NDUFAF2: variants seen among roughly 807,000 people sequenced by gnomAD.
NDUFAF2 encodes NADH:ubiquinone oxidoreductase complex assembly factor 2.
NDUFAF2 carries 13 observed loss-of-function variants against 22.8 expected under a neutral mutation model. That is an observed-to-expected ratio of 0.57 (90% CI 0.37 to 0.91). The LOEUF (loss-of-function observed/expected upper bound fraction) is 0.91, where lower values mean the gene tolerates loss of function less well. Among genes scored for constraint, NDUFAF2 ranks in the 40% least tolerant of loss-of-function variants. NDUFAF2 has a pLI of 0.01. For synonymous variants in NDUFAF2, 53 were observed against 64.2 expected, an observed-to-expected ratio of 0.83 and a Z score of 0.84; for missense variants, 162 against 195.2, an observed-to-expected ratio of 0.83 and a Z score of 1.01.
At chr5:60,992,318 T>C (rs1213631129) in intron 1 of NDUFAF2, among the ~76,000 whole-genome samples, 1 of 152,228 alleles carries the variant, frequency 6.6e-6, no homozygotes, top group East Asian at 1.9e-4. Context: ...ATCCCATTTG[T>C]CCATTTTTGC....
intron 3 of NDUFAF2, among the ~76,000 whole-genome samples, chr5:61,113,690 A>G (rs1180116500): frequency 6.6e-6 from 1 of 152,186 alleles, no homozygotes; most frequent in Non-Finnish European, 1.5e-5. Context: ...GCATGATTGT[A>G]AGTTTTCTGA....
chr5:60,981,774 CA>C (rs1750981128), intron 1 of NDUFAF2, among the ~76,000 whole-genome samples: 1 of 152,062 alleles, frequency 6.6e-6, no homozygotes, highest in Non-Finnish European at 1.5e-5. Context: ...CCAATGAACA[CA>C]ATAGAGAATC....
intron 1 of NDUFAF2, among the ~76,000 whole-genome samples, chr5:60,946,726 G>A (rs964124658): frequency 2.6e-5 from 4 of 152,114 alleles, no homozygotes; most frequent in Admixed American, 1.3e-4. Context: ...TGACAAATGA[G>A]TAGAGTAACC....
At chr5:61,079,524 C>T (rs1028809712) in intron 2 of NDUFAF2, among the ~76,000 whole-genome samples, 4 of 152,152 alleles carry the variant, frequency 2.6e-5, no homozygotes, top group Non-Finnish European at 2.9e-5. Context: ...AGAAGTATCT[C>T]GAATAAACTC....
At chr5:61,018,007 C>A (rs158702) in intron 1 of NDUFAF2, among the ~76,000 whole-genome samples, 2 of 152,048 alleles carry the variant, frequency 1.3e-5, no homozygotes, top group Non-Finnish European at 2.9e-5. Context: ...CCACCTCGGC[C>A]TCCCAGAGTG....
At chr5:60,982,462 A>T (rs1750997727) in intron 1 of NDUFAF2, among the ~76,000 whole-genome samples, 1 of 151,924 alleles carries the variant, frequency 6.6e-6, no homozygotes, top group Admixed American at 6.6e-5. Flanking sequence ...GGTTTGTTAC[A>T]TATGTATATA....
chr5:60,970,267 A>C (rs963271233), intron 1 of NDUFAF2, among the ~76,000 whole-genome samples: 2 of 152,116 alleles, frequency 1.3e-5, no homozygotes, highest in African/African-American at 4.8e-5. Flanking sequence ...GAAGAATGTC[A>C]TTGGTATTTT....
In NDUFAF2 at chr5:60,999,871, C is replaced by A. The variant is rs550213123; in HGVS notation, c.127+54489C>A. Among the ~76,000 whole-genome samples the A allele has an allele frequency of 1.9e-4, 29 of 152,104 alleles. No homozygotes were observed. The South Asian group carries it at 6.0e-3, about 32-fold the overall frequency. ...AGAGAAAGTTCTCCAAAAATTAGAT[C>A]TCTTACTATTTTGCTTTGTTGCATG... On this transcript the variant is annotated intron_variant, in intron 1 of 3. Transcript: ENST00000296597.
chr5:61,053,172 T>C (rs1752046581), intron 1 of NDUFAF2, among the ~76,000 whole-genome samples: 1 of 152,230 alleles, frequency 6.6e-6, no homozygotes, highest in South Asian at 2.1e-4. Context: ...GCCTGGATCT[T>C]TGAATGACTG....
intron 2 of NDUFAF2, among the ~76,000 whole-genome samples, chr5:61,095,860 A>G (rs968930105): frequency 6.6e-6 from 1 of 152,010 alleles, no homozygotes; most frequent in African/African-American, 2.4e-5. Context: ...TTCATTCTCC[A>G]GGGGTCGAGT....
At chr5:61,097,842 A>G (rs893023150) in intron 2 of NDUFAF2, among the ~76,000 whole-genome samples, 9 of 152,226 alleles carry the variant, frequency 5.9e-5, no homozygotes, top group African/African-American at 1.7e-4. Flanking sequence ...AGAGCCAGAG[A>G]CAGGGTCAGA....
At chr5:61,036,998 T>C (rs1751808184) in intron 1 of NDUFAF2, among the ~76,000 whole-genome samples, 1 of 152,162 alleles carries the variant, frequency 6.6e-6, no homozygotes, top group South Asian at 2.1e-4. Context: ...AAATTTTTTT[T>C]CATCTATTTG....
At chr5:61,025,004 A>G (rs1751631824) in intron 1 of NDUFAF2, among the ~76,000 whole-genome samples, 1 of 152,004 alleles carries the variant, frequency 6.6e-6, no homozygotes, top group African/African-American at 2.4e-5. Context: ...ATACGTCCTT[A>G]GAAACTACAG....
At chr5:61,040,617 G>A (rs1339606336) in intron 1 of NDUFAF2, among the ~76,000 whole-genome samples, 2 of 151,846 alleles carry the variant, frequency 1.3e-5, no homozygotes, top group Non-Finnish European at 2.9e-5. Context: ...GTACTTGAGA[G>A]GAGAACTGTG....
chr5:61,069,126 C>CTT (rs71606660), intron 1 of NDUFAF2, among the ~76,000 whole-genome samples: 145 of 136,882 alleles, frequency 1.1e-3, no homozygotes, highest in African/African-American at 2.8e-3. Context: ...AATGTTAGTG[C>CTT]TTTTTTTTTT....
At chr5:61,125,766 TA>T (rs1299137524) in intron 3 of NDUFAF2, among the ~76,000 whole-genome samples, 1 of 152,074 alleles carries the variant, frequency 6.6e-6, no homozygotes, top group Non-Finnish European at 1.5e-5. Context: ...GTTATATATT[TA>T]AAATTTAGAA....
At chr5:60,985,807 A>G (rs1039359867) in intron 1 of NDUFAF2, among the ~76,000 whole-genome samples, 2 of 152,310 alleles carry the variant, frequency 1.3e-5, no homozygotes, top group African/African-American at 4.8e-5. Context: ...ACCCGCCCCT[A>G]TAATTCAATC....
Position 61,073,118 on chromosome 5 carries a change from C to G in NDUFAF2, c.128-7C>G. The G allele has an allele frequency of 6.3e-7, 1 of 1,587,856 alleles. No individual in the cohort carries two copies. Among genetic ancestry groups the G allele is most frequent in the East Asian group, 2.2e-5 (1 of 44,614 alleles). On this transcript the variant is annotated splice_region_variant and splice_polypyrimidine_tract_variant and intron_variant, in intron 1 of 3. Coordinates refer to ENST00000296597, the MANE Select transcript of NDUFAF2 (RefSeq NM_174889.5). ...TTAAAAATGTATTAATGACTTTTGT[C>G]TTATAGGACAAACTATTCGAGAGAA...
At chr5:60,946,311 T>G (rs1750453643) in intron 1 of NDUFAF2, among the ~76,000 whole-genome samples, 1 of 152,152 alleles carries the variant, frequency 6.6e-6, no homozygotes, top group Non-Finnish European at 1.5e-5. Flanking sequence ...CACTTGAAAG[T>G]TAGAGATAAT....
Sources: allele counts gnomAD v4.1 joint callset (sites outside exome capture counted in the v4.1 genomes callset), GRCh38; gene constraint gnomAD v4.1.1; transcripts MANE v1.5; gene names NCBI Gene and HGNC (gene_info 2026-07-23, HGNC 2026-07-21).